The following CDH13 variants were observed in gnomAD, a reference collection of about 807,000 sequenced individuals.
CDH13 encodes cadherin-13.
CDH13 carries 24 observed loss-of-function variants against 63.8 expected under a neutral mutation model. That is an observed-to-expected ratio of 0.38 (90% CI 0.27 to 0.53). The LOEUF is 0.53. Among genes scored for constraint, CDH13 ranks in the 20% least tolerant of loss-of-function variants. CDH13 has a pLI of 0.85. For missense variants in CDH13, 1,049 were observed against 903.1 expected (o/e 1.16, Z -2.07); for synonymous variants, 503 against 355.3 (o/e 1.42, Z -4.67).
chr16:82,763,218 C>T (rs970495691), intron 1 of CDH13, among the ~76,000 whole-genome samples: 3 of 152,162 alleles, frequency 2.0e-5, no homozygotes, highest in East Asian at 1.9e-4. Flanking sequence ...TAAACATCCT[C>T]TTTTTGCACA....
chr16:83,512,685 T>TAAA (rs377118035), intron 7 of CDH13, among the ~76,000 whole-genome samples: 88 of 146,546 alleles, frequency 6.0e-4, no homozygotes, highest in African/African-American at 2.1e-3. Context: ...ATAATAATAA[T>TAAA]ATAATAATAA....
chr16:82,794,535 T>C (rs912789658), intron 1 of CDH13, among the ~76,000 whole-genome samples: 1 of 151,708 alleles, frequency 6.6e-6, no homozygotes, highest in African/African-American at 2.4e-5. Flanking sequence ...AAAAGAGCGG[T>C]TTAATAGTTT....
intron 10 of CDH13, among the ~76,000 whole-genome samples, chr16:83,738,471 C>G (rs1236802140): frequency 1.3e-5 from 2 of 152,174 alleles, no homozygotes; most frequent in African/African-American, 4.8e-5. Flanking sequence ...GAATTTTCTG[C>G]AATTAACACA....
intron 2 of CDH13, among the ~76,000 whole-genome samples, chr16:82,910,654 A>C (rs939218551): frequency 6.6e-6 from 1 of 152,212 alleles, no homozygotes; most frequent in Non-Finnish European, 1.5e-5. Flanking sequence ...CTAGTCTCAA[A>C]CCACTAAACA....
At chr16:83,696,860 C>T (rs892573998) in intron 10 of CDH13, among the ~76,000 whole-genome samples, 5 of 152,082 alleles carry the variant, frequency 3.3e-5, no homozygotes, top group Admixed American at 6.5e-5. Flanking sequence ...GCTCAGATCC[C>T]GTCTCTCCCC....
At chr16:83,625,653 G>T (rs974883825) in intron 8 of CDH13, among the ~76,000 whole-genome samples, 2 of 152,194 alleles carry the variant, frequency 1.3e-5, no homozygotes, top group Non-Finnish European at 2.9e-5. Context: ...AAAGTGGTGG[G>T]TCTCATGCAC....
Position 83,284,171 on chromosome 16 carries a change from T to C in CDH13, c.637-60691T>C, listed in dbSNP as rs372669767. ...TTCTTGTCATTCATGAAGTTGTTAG[T>C]TCTGGGGAAGTGTTGGACTTTGGTA... On this transcript the variant is annotated intron_variant, in intron 5 of 13. Coordinates refer to ENST00000567109, the MANE Select transcript of CDH13 (RefSeq NM_001257.5). 2.6e-5 allele frequency among the ~76,000 whole-genome samples: 4 copies of C among 152,296 alleles called. No individual in the cohort carries two copies. In the East Asian group the frequency reaches 7.7e-4, roughly 29 times the overall value.
chr16:83,298,047 CAAAAAAA>C (rs71382871), intron 5 of CDH13, among the ~76,000 whole-genome samples: 1 of 99,772 alleles, frequency 1.0e-5, no homozygotes, highest in South Asian at 3.7e-4. Flanking sequence ...CTTGTTTCTA[CAAAAAAA>C]AAAAAAAAAG....
At chr16:82,796,665 G>A (rs963532177) in intron 1 of CDH13, among the ~76,000 whole-genome samples, 8 of 152,196 alleles carry the variant, frequency 5.3e-5, no homozygotes, top group Admixed American at 1.3e-4. Flanking sequence ...GTAATGCCTC[G>A]CTCAATCAGA....
At chr16:82,892,287 A>T (rs1180415094) in intron 2 of CDH13, among the ~76,000 whole-genome samples, 1 of 152,192 alleles carries the variant, frequency 6.6e-6, no homozygotes, top group Non-Finnish European at 1.5e-5. Flanking sequence ...TTTTGTTATT[A>T]TTACTTGTTC....
chr16:83,321,556 T>G (rs1237155359), intron 5 of CDH13, among the ~76,000 whole-genome samples: 1 of 109,702 alleles, frequency 9.1e-6, no homozygotes, highest in African/African-American at 3.7e-5. Flanking sequence ...TGAGACGGAG[T>G]CTCACTCTGT....
At chr16:82,931,141 C>T (rs1390821386) in intron 2 of CDH13, among the ~76,000 whole-genome samples, 2 of 152,190 alleles carry the variant, frequency 1.3e-5, no homozygotes, top group Non-Finnish European at 2.9e-5. Context: ...TGTGACTCTG[C>T]CCAAGAAACC....
At chr16:83,671,490 C>G (rs1455078254) in intron 9 of CDH13, among the ~76,000 whole-genome samples, 1 of 152,180 alleles carries the variant, frequency 6.6e-6, no homozygotes, top group South Asian at 2.1e-4. Flanking sequence ...CTCAAGTGAT[C>G]CACCTGCCCT....
intron 7 of CDH13, among the ~76,000 whole-genome samples, chr16:83,592,234 T>C (rs1831681056): frequency 6.6e-6 from 1 of 152,210 alleles, no homozygotes; most frequent in African/African-American, 2.4e-5. Context: ...ATAAGCTCCA[T>C]ATAGCTTTCC....
At chr16:83,014,215 A>T (rs1250366572) in intron 2 of CDH13, among the ~76,000 whole-genome samples, 2 of 151,938 alleles carry the variant, frequency 1.3e-5, no homozygotes, top group African/African-American at 4.8e-5. Context: ...AAAAATTTTC[A>T]AACTAATACT....
At position 83,069,402 on chromosome 16, in the gene CDH13, A is replaced by T. The variant is rs1413401839; in HGVS notation, c.366+37184A>T. On this transcript the variant is annotated intron_variant, in intron 3 of 13. Transcript: ENST00000567109. ...AATACCGTTTTCTTTTCTAAGAATCACCTATAGAAACACCTACTACGTGCC... is the reference window on the plus strand; with the variant it reads ...AATACCGTTTTCTTTTCTAAGAATCTCCTATAGAAACACCTACTACGTGCC... 3.3e-5 allele frequency among the ~76,000 whole-genome samples: 5 copies of T among 152,308 alleles called. No homozygotes were observed. In the East Asian group the frequency reaches 9.6e-4, roughly 29 times the overall value.
chr16:82,842,092 A>ATATATATATATATATATATATG (rs1567590166), intron 1 of CDH13, among the ~76,000 whole-genome samples: 16 of 30,896 alleles, frequency 5.2e-4, no homozygotes, highest in African/African-American at 2.1e-3. Flanking sequence ...TGCATTCTAC[A>ATATATATATATATATATATATG]TATATATATA....
At chr16:82,776,093 C>A (rs2035482624) in intron 1 of CDH13, among the ~76,000 whole-genome samples, 1 of 152,074 alleles carries the variant, frequency 6.6e-6, no homozygotes, top group Admixed American at 6.6e-5. Flanking sequence ...GCCTATAATC[C>A]CAGCTACTTG....
intron 3 of CDH13, among the ~76,000 whole-genome samples, chr16:83,115,411 G>A (rs1370661027): frequency 6.6e-6 from 1 of 152,210 alleles, no homozygotes; most frequent in African/African-American, 2.4e-5. Flanking sequence ...TAGGATCCCA[G>A]GCAAATCTTA....
Sources: allele counts gnomAD v4.1 joint callset (sites outside exome capture counted in the v4.1 genomes callset), GRCh38; gene constraint gnomAD v4.1.1; transcripts MANE v1.5; gene names NCBI Gene and HGNC (gene_info 2026-07-23, HGNC 2026-07-21).